The following SHQ1 variants were observed in gnomAD, a reference collection of about 807,000 sequenced individuals.
SHQ1 encodes the protein protein SHQ1 homolog.
SHQ1 carries 49 observed loss-of-function variants against 53.8 expected under a neutral mutation model. The observed-to-expected ratio is 0.91, with a 90% CI of 0.72 to 1.16. SHQ1 has a LOEUF of 1.16. Among genes scored for constraint, SHQ1 ranks in the 50% most tolerant of loss-of-function variants. SHQ1 has a pLI of 0.00. For synonymous variants in SHQ1, 243 were observed against 251.0 expected (o/e 0.97, Z 0.30); for missense variants, 738 against 683.1 (o/e 1.08, Z -0.90).
At chr3:72,822,655 T>C (rs1707512204) in intron 6 of SHQ1, among the ~76,000 whole-genome samples, 1 of 152,216 alleles carries the variant, frequency 6.6e-6, no homozygotes. Context: ...CTCAAACCAG[T>C]TGACACACTT....
intron 10 of SHQ1, among the ~76,000 whole-genome samples, chr3:72,775,304 A>G (rs1343400380): frequency 6.6e-6 from 1 of 152,060 alleles, no homozygotes; most frequent in East Asian, 1.9e-4. Context: ...TATGCCAGAA[A>G]GTTTGAAAAT....
chr3:72,776,140 C>T (rs2106748155), intron 10 of SHQ1, among the ~76,000 whole-genome samples: 1 of 152,246 alleles, frequency 6.6e-6, no homozygotes, highest in East Asian at 1.9e-4. Flanking sequence ...AGAAATGATA[C>T]ATAAGAGTTA....
intron 6 of SHQ1, among the ~76,000 whole-genome samples, chr3:72,818,970 G>C (rs565409323): frequency 2.2e-4 from 33 of 152,260 alleles, no homozygotes; most frequent in African/African-American, 7.7e-4. Flanking sequence ...CTCCAGGAAA[G>C]AACACAGCCT....
At chr3:72,816,629 A>C (rs550131465) in intron 7 of SHQ1, among the ~76,000 whole-genome samples, 4 of 152,270 alleles carry the variant, frequency 2.6e-5, no homozygotes, top group African/African-American at 9.6e-5. Flanking sequence ...AGTCTATATT[A>C]TTTTTTAAAA....
the SHQ1 span, among the ~76,000 whole-genome samples, chr3:72,732,380 GCCTGCCTGCCTTCCTTCCTT>G: frequency 1.1e-4 from 11 of 95,710 alleles, no homozygotes; most frequent in African/African-American, 5.0e-4. Flanking sequence ...CTGCCTGCCT[GCCTGCCTGCCTTCCTTCCTT>G]CCTTCCTTCC....
At chr3:72,812,948 T>C (rs548893441) in intron 8 of SHQ1, among the ~76,000 whole-genome samples, 154 bp from the exon 9 acceptor site, 2 of 152,348 alleles carry the variant, frequency 1.3e-5, no homozygotes, top group African/African-American at 4.8e-5. Context: ...TGAAATAAGA[T>C]TCTTTTTGTA....
At chr3:72,824,764 G>T (rs951171297) in intron 5 of SHQ1, among the ~76,000 whole-genome samples, 1 of 150,490 alleles carries the variant, frequency 6.6e-6, no homozygotes, top group African/African-American at 2.4e-5. Flanking sequence ...TCTGCCTAAA[G>T]GGATATATAA....
chr3:72,817,503 T>A, intron 6 of SHQ1, 119 bp from the exon 7 acceptor site: 1 of 895,386 alleles, frequency 1.1e-6, no homozygotes, highest in Admixed American at 2.9e-5. Flanking sequence ...TCTTTCTACT[T>A]AACTATGGAT....
chr3:72,829,303 A>G (rs1268845750), intron 5 of SHQ1, among the ~76,000 whole-genome samples: 2 of 152,214 alleles, frequency 1.3e-5, no homozygotes, highest in Non-Finnish European at 2.9e-5. Flanking sequence ...TCTTCATAGC[A>G]CTTGATTACA....
intron 6 of SHQ1, among the ~76,000 whole-genome samples, chr3:72,821,770 T>A (rs1203551541): frequency 1.3e-5 from 2 of 152,146 alleles, no homozygotes. Flanking sequence ...TGCACCATAG[T>A]TCAGCAGAAA....
intron 1 of SHQ1, chr3:72,846,102 G>C (rs1383231397): frequency 9.6e-7 from 1 of 1,037,404 alleles, no homozygotes; most frequent in African/African-American, 1.6e-5. Flanking sequence ...CTTAGTGGCC[G>C]GCACAACAGG....
At chr3:72,838,105 T>C (rs2106945737) in intron 4 of SHQ1, among the ~76,000 whole-genome samples, 3 of 152,372 alleles carry the variant, frequency 2.0e-5, no homozygotes, top group Admixed American at 2.0e-4. Context: ...ACCTCTAAGA[T>C]GTCTGGGGCA....
the SHQ1 span, among the ~76,000 whole-genome samples, chr3:72,735,766 C>A: frequency 9.4e-3 from 1,255 of 133,400 alleles, 3 homozygotes; most frequent in African/African-American, 0.025. Flanking sequence ...GGCAGGCAGG[C>A]AGGCAGGCAG....
intron 8 of SHQ1, among the ~76,000 whole-genome samples, chr3:72,814,223 C>A (rs960349085): frequency 2.0e-5 from 3 of 152,132 alleles, no homozygotes; most frequent in African/African-American, 7.2e-5. Flanking sequence ...AATAACTATA[C>A]TACAAAATTA....
chr3:72,840,913 T>G lies in SHQ1; in HGVS notation c.486+132A>C, dbSNP rs1164940542. 2.9e-6 allele frequency: 3 copies of G among 1,038,112 alleles called. No individual in the cohort carries two copies. In the African/African-American group the frequency reaches 4.9e-5, roughly 17 times the overall value. 64.3% of individuals were successfully genotyped at this position (1,038,112 alleles called of 1,614,324 possible). A position where few individuals can be genotyped will look rare whatever the true frequency, so the allele number is the denominator to read the frequency against. On this transcript the variant is annotated intron_variant, in intron 4 of 10. Transcript: ENST00000325599. ...AATGCACATCTATGTACTTTAGCTG[T>G]GCTAAGTGCTTTAAATACAATCACC...
intron 4 of SHQ1, among the ~76,000 whole-genome samples, chr3:72,835,913 C>T (rs1338918627): frequency 6.6e-6 from 1 of 152,198 alleles, no homozygotes; most frequent in Non-Finnish European, 1.5e-5. Context: ...TTACCTGTAA[C>T]TATCTGTCAT....
At chr3:72,835,704 C>T (rs961779264) in intron 4 of SHQ1, among the ~76,000 whole-genome samples, 3 of 152,196 alleles carry the variant, frequency 2.0e-5, no homozygotes, top group Non-Finnish European at 4.4e-5. Flanking sequence ...CCTCTTCTGG[C>T]TCAAATACGC....
Position 72,751,514 on chromosome 3 carries a change from A to G in SHQ1, c.1182-678T>C, listed in dbSNP as rs374184073. ...TGTGTGTGTGTGTGTGTGTGTATAT[A>G]TATATATATATATATACATATACAT... On this transcript the variant is annotated intron_variant, in intron 10 of 10. Coordinates refer to ENST00000325599, the MANE Select transcript of SHQ1 (RefSeq NM_018130.3). Among the ~76,000 whole-genome samples, 302 of 132,578 alleles carry G rather than the reference A, an allele frequency of 2.3e-3. 2 individuals are homozygous for G. The highest frequency in any genetic ancestry group is 5.4e-3 in the South Asian group (25 of 4,628). The allele number at this position is 132,578 out of a possible 152,430, so 87.0% of individuals were successfully genotyped here. A position where few individuals can be genotyped will look rare whatever the true frequency, so the allele number is the denominator to read the frequency against.
intron 6 of SHQ1, among the ~76,000 whole-genome samples, chr3:72,820,063 T>C (rs1707431627): frequency 6.6e-6 from 1 of 152,224 alleles, no homozygotes; most frequent in African/African-American, 2.4e-5. Context: ...CCTAGTTGAC[T>C]AATAGACCCC....
Sources: allele counts gnomAD v4.1 joint callset (sites outside exome capture counted in the v4.1 genomes callset), GRCh38; gene constraint gnomAD v4.1.1; transcripts MANE v1.5; gene names NCBI Gene and HGNC (gene_info 2026-07-23, HGNC 2026-07-21).